Variants in CCDC62 observed in about 807,000 individuals in gnomAD.
CCDC62 encodes the protein coiled-coil domain-containing protein 62.
A neutral mutation model predicts 80.8 loss-of-function variants in CCDC62; 72 were observed. The observed-to-expected ratio is 0.89, with a 90% CI of 0.74 to 1.08. The LOEUF is 1.08. Ranked by LOEUF, CCDC62 falls within the 50% of genes least tolerant of loss-of-function variation. The pLI is 0.00. For missense variants in CCDC62, 704 were observed against 809.4 expected, an observed-to-expected ratio of 0.87 and a Z score of 1.58; for synonymous variants, 286 against 296.5, an observed-to-expected ratio of 0.96 and a Z score of 0.36.
intron 9 of CCDC62, among the ~76,000 whole-genome samples, chr12:122,805,187 C>CTTTTTT (rs35231650): frequency 9.3e-5 from 6 of 64,468 alleles, no homozygotes; most frequent in East Asian, 6.0e-4. Flanking sequence ...AACTGGCCGG[C>CTTTTTT]TTTTTTTTTT....
chr12:122,783,251 G>T (rs180813390), intron 3 of CCDC62, among the ~76,000 whole-genome samples: 2 of 145,502 alleles, frequency 1.4e-5, no homozygotes, highest in African/African-American at 5.1e-5. Flanking sequence ...TTCCTGAGAC[G>T]GAGTCTCGTT....
chr12:122,808,318 A>G (rs2031712397), intron 10 of CCDC62, among the ~76,000 whole-genome samples: 1 of 152,042 alleles, frequency 6.6e-6, no homozygotes, highest in Non-Finnish European at 1.5e-5. Context: ...AATGGCAAAA[A>G]CCGCAATTAC....
Position 122,801,595 on chromosome 12 carries a change from T to C in CCDC62, c.1449T>C (p.Asp483=). The part of the protein sequence containing the change: ...CPSSKHPEKL[D]VECQDQMERS... ...GTTCAAAACATCCAGAAAAGCTGGATGTAGAATGTCAAGATCAGATGGAAA... is the reference window on the plus strand; with the variant it reads ...GTTCAAAACATCCAGAAAAGCTGGACGTAGAATGTCAAGATCAGATGGAAA... Residue 483 remains aspartate, a synonymous_variant, in exon 9 of 13, where the codon GAT becomes GAC. Transcript: ENST00000253079. The C allele has an allele frequency of 6.2e-7, 1 of 1,614,116 alleles. No individual in the cohort carries two copies. The highest frequency in any genetic ancestry group is 8.5e-7 in the Non-Finnish European group (1 of 1,180,026).
At chr12:122,781,459 G>A in intron 3 of CCDC62, 129 bp downstream of exon 3, 1 of 789,420 alleles carries the variant, frequency 1.3e-6, no homozygotes, top group Non-Finnish European at 2.1e-6. Context: ...GCCGAGGCAG[G>A]TGGATCACCT....
At chr12:122,818,713 G>T (rs562905060) in intron 11 of CCDC62, among the ~76,000 whole-genome samples, 18 of 152,124 alleles carry the variant, frequency 1.2e-4, no homozygotes, top group Admixed American at 1.0e-3. Flanking sequence ...GCTTGAGCCT[G>T]GGAGTTCGAG....
chr12:122,779,741 C>G (rs1363685165), intron 2 of CCDC62, among the ~76,000 whole-genome samples: 1 of 151,816 alleles, frequency 6.6e-6, no homozygotes, highest in Non-Finnish European at 1.5e-5. Flanking sequence ...AACCCTGTCT[C>G]TACTAAAAAT....
At chr12:122,821,105 A>C in intron 11 of CCDC62, among the ~76,000 whole-genome samples, 1 of 150,540 alleles carries the variant, frequency 6.6e-6, no homozygotes, top group Non-Finnish European at 1.5e-5. Flanking sequence ...TTACCTCTCC[A>C]CTCCCCTTCT....
intron 10 of CCDC62, among the ~76,000 whole-genome samples, chr12:122,810,720 C>T (rs532115335): frequency 3.3e-5 from 5 of 152,164 alleles, no homozygotes; most frequent in East Asian, 3.9e-4. Context: ...CACGTGCACA[C>T]GTATGTTTAT....
rs1446077038 is a variant in CCDC62 at position 122,801,334 on chromosome 12, A to G, written c.1188A>G (p.Ser396=). The change falls in exon 9 of 13, where the codon TCA becomes TCG. Residue 396 remains serine, a synonymous_variant. Coordinates refer to ENST00000253079, the MANE Select transcript of CCDC62 (RefSeq NM_201435.5). ...VFGEKSVITL[S]SIFTKDLVEK... is the part of the protein sequence containing the mutation. The stretch of plus-strand genomic sequence containing the variant: ...GGGAGAAAAGTGTAATTACGCTGTC[A>G]TCCATATTCACCAAAGACTTAGTAG... 6.2e-6 allele frequency: 10 copies of G among 1,614,062 alleles called. No homozygotes were observed. Among genetic ancestry groups the G allele is most frequent in the African/African-American group, 1.3e-5 (1 of 74,930 alleles).
intron 5 of CCDC62, among the ~76,000 whole-genome samples, chr12:122,790,620 C>T (rs1593792976): frequency 6.6e-6 from 1 of 152,036 alleles, no homozygotes; most frequent in African/African-American, 2.4e-5. Context: ...TTGGCCACTA[C>T]ACTTCAGCCT....
chr12:122,791,972 T>C (rs1375958574), intron 5 of CCDC62, 48 bp from the exon 6 acceptor site: 1 of 1,286,456 alleles, frequency 7.8e-7, no homozygotes, highest in Non-Finnish European at 1.1e-6. Flanking sequence ...ATATGAGGAC[T>C]GGAACCTAGT....
At chr12:122,793,683 G>A (rs904412149) in intron 6 of CCDC62, among the ~76,000 whole-genome samples, 2 of 152,006 alleles carry the variant, frequency 1.3e-5, no homozygotes, top group Admixed American at 1.3e-4. Flanking sequence ...TCTAGCTCCT[G>A]GGATCAAGCG....
chr12:122,813,218 C>G, intron 10 of CCDC62, 52 bp from the exon 11 acceptor site: 1 of 1,513,952 alleles, frequency 6.6e-7, no homozygotes, highest in Non-Finnish European at 8.9e-7. Context: ...AGGTAGTTAG[C>G]ATTTGTGTTT....
At chr12:122,796,432 T>C (rs1007387151) in intron 6 of CCDC62, among the ~76,000 whole-genome samples, 4 of 152,124 alleles carry the variant, frequency 2.6e-5, no homozygotes, top group African/African-American at 9.7e-5. Context: ...CAAAACAGGT[T>C]TATTTAAACA....
At chr12:122,809,681 A>C (rs2031783449) in intron 10 of CCDC62, among the ~76,000 whole-genome samples, 1 of 152,248 alleles carries the variant, frequency 6.6e-6, no homozygotes, top group Non-Finnish European at 1.5e-5. Context: ...TAAAGTTCAT[A>C]TAGAACCAAA....
intron 5 of CCDC62, 46 bp from the exon 6 acceptor site, chr12:122,791,974 G>A (rs747094125): frequency 2.3e-5 from 30 of 1,312,386 alleles, no homozygotes; most frequent in Non-Finnish European, 1.1e-6. Context: ...ATGAGGACTG[G>A]AACCTAGTAT....
At chr12:122,802,257 G>T (rs1386010675) in intron 9 of CCDC62, among the ~76,000 whole-genome samples, 1 of 152,054 alleles carries the variant, frequency 6.6e-6, no homozygotes, top group Non-Finnish European at 1.5e-5. Context: ...GGTCCAGATG[G>T]CATTACCTAG....
rs570704763 is a variant in CCDC62, at chr12:122,819,595, T to C, written c.2002-3771T>C. Among the ~76,000 whole-genome samples, 8 of 152,240 alleles carry C rather than the reference T, an allele frequency of 5.3e-5. No homozygotes were observed. The South Asian group carries it at 1.4e-3, about 28-fold the overall frequency. On this transcript the variant is annotated intron_variant, in intron 11 of 12. Transcript: ENST00000253079. ...AAATGATAGGAGGCCACCCACCCAG[T>C]GTCCAGCAAAAGGGAACCGAGGGAA... is the stretch of plus-strand genomic sequence containing the variant.
At chr12:122,805,430 G>A (rs940364157) in intron 9 of CCDC62, among the ~76,000 whole-genome samples, 7 of 135,474 alleles carry the variant, frequency 5.2e-5, no homozygotes, top group Admixed American at 2.4e-4. Flanking sequence ...CGCAACCTCC[G>A]CCTCCTGGGT....
Sources: allele counts gnomAD v4.1 joint callset (sites outside exome capture counted in the v4.1 genomes callset), GRCh38; gene constraint gnomAD v4.1.1; transcripts MANE v1.5; gene names NCBI Gene and HGNC (gene_info 2026-07-23, HGNC 2026-07-21).